Variants in XPO6 observed in about 807,000 individuals in gnomAD.
XPO6 encodes the protein exportin 6.
Under a neutral mutation model 130.0 loss-of-function variants are expected in XPO6, and 3 were observed. The ratio of observed to expected loss-of-function variants is 0.02; its 90% CI spans 0.01 to 0.06. The LOEUF (loss-of-function observed/expected upper bound fraction) is 0.06. Among genes scored for constraint, XPO6 ranks in the 10% least tolerant of loss-of-function variants. The pLI is 1.00. For missense variants in XPO6, 970 were observed against 1,393.0 expected (o/e 0.70, Z 4.83); for synonymous variants, 524 against 548.9 (o/e 0.95, Z 0.63).
At chr16:28,104,798 T>C in intron 20 of XPO6, 91 bp from the exon 21 acceptor site, 1 of 1,449,460 alleles carries the variant, frequency 6.9e-7, no homozygotes, top group Non-Finnish European at 9.4e-7. Flanking sequence ...AGACGCCTCG[T>C]GACAGCAAGC....
At chr16:28,099,432 A>G (rs1248137301) in intron 23 of XPO6, among the ~76,000 whole-genome samples, 1 of 152,160 alleles carries the variant, frequency 6.6e-6, no homozygotes, top group Non-Finnish European at 1.5e-5. Flanking sequence ...GCCTCTTCCC[A>G]AAGTCTGCAC....
chr16:28,104,466 T>C (rs533630145), intron 21 of XPO6, 80 bp downstream of exon 21: 672 of 1,545,276 alleles, frequency 4.3e-4, no homozygotes, highest in Non-Finnish European at 5.7e-4. Flanking sequence ...GACCCGAGAC[T>C]GTGGGGCTTC....
At chr16:28,201,253 C>T (rs189072485) in intron 1 of XPO6, among the ~76,000 whole-genome samples, 20 of 152,328 alleles carry the variant, frequency 1.3e-4, no homozygotes, top group African/African-American at 4.6e-4. Flanking sequence ...TTACTGCATT[C>T]ATACTCTATT....
chr16:28,116,393 C>G (rs371961327), intron 15 of XPO6, among the ~76,000 whole-genome samples: 1 of 151,294 alleles, frequency 6.6e-6, no homozygotes, highest in Non-Finnish European at 1.5e-5. Flanking sequence ...ACCCGGGAGA[C>G]GGAGCTTGCA....
intron 1 of XPO6, among the ~76,000 whole-genome samples, chr16:28,196,562 A>T (rs1262786953): frequency 6.6e-6 from 1 of 152,152 alleles, no homozygotes; most frequent in Non-Finnish European, 1.5e-5. Context: ...GTTTTATGTT[A>T]TGTGTTGCCA....
At chr16:28,204,132 C>T (rs1477059306) in intron 1 of XPO6, among the ~76,000 whole-genome samples, 1 of 152,150 alleles carries the variant, frequency 6.6e-6, no homozygotes, top group African/African-American at 2.4e-5. Flanking sequence ...TAATTGCCCA[C>T]TATGCCAAGA....
At chr16:28,138,883 A>G (rs539986949) in intron 9 of XPO6, among the ~76,000 whole-genome samples, 1 of 152,340 alleles carries the variant, frequency 6.6e-6, no homozygotes, top group South Asian at 2.1e-4. Context: ...AAGAGGATTC[A>G]AAAAATTACT....
In XPO6 at chr16:28,130,523, T is replaced by C. The variant is rs1325177313; in HGVS notation, c.1606+1811A>G. 2.6e-5 allele frequency among the ~76,000 whole-genome samples: 4 copies of C among 152,326 alleles called. No individual in the cohort carries two copies. The East Asian group carries it at 7.7e-4, about 29-fold the overall frequency. On this transcript the variant is annotated intron_variant, in intron 12 of 23. Coordinates refer to ENST00000304658, the MANE Select transcript of XPO6 (RefSeq NM_015171.4). ...GTTAATAGCCTTTGCACTGGAAACTTGGCTTCTGAGCCACCAAAAATTGGG... is the reference window on the plus strand; with the variant it reads ...GTTAATAGCCTTTGCACTGGAAACTCGGCTTCTGAGCCACCAAAAATTGGG...
intron 12 of XPO6, among the ~76,000 whole-genome samples, chr16:28,126,165 T>C (rs2087402801): frequency 6.6e-6 from 1 of 152,188 alleles, no homozygotes; most frequent in East Asian, 1.9e-4. Context: ...ACACCATCAC[T>C]GTTACATACA....
At chr16:28,152,364 T>G (rs1001008591) in intron 8 of XPO6, among the ~76,000 whole-genome samples, 1 of 152,206 alleles carries the variant, frequency 6.6e-6, no homozygotes, top group Admixed American at 6.5e-5. Flanking sequence ...GTTCACATAA[T>G]AGTGGTCAAG....
At chr16:28,155,585 T>C (rs1472319883) in intron 7 of XPO6, 1 of 157,832 alleles carries the variant, frequency 6.3e-6, no homozygotes, top group Admixed American at 6.0e-5. Flanking sequence ...AAACTTGCCA[T>C]TGGTGTAAAA....
At chr16:28,193,255 T>C (rs1056118779) in intron 1 of XPO6, among the ~76,000 whole-genome samples, 3 of 152,110 alleles carry the variant, frequency 2.0e-5, no homozygotes, top group African/African-American at 7.2e-5. Flanking sequence ...ATATAGATAA[T>C]GTTGCCGGGG....
intron 8 of XPO6, 140 bp downstream of exon 8, chr16:28,152,519 G>A (rs573521110): frequency 9.4e-7 from 1 of 1,065,696 alleles, no homozygotes; most frequent in Non-Finnish European, 1.3e-6. Context: ...ATGTTAGGAA[G>A]ATTAAACCTG....
chr16:28,176,023 G>A lies in XPO6; in HGVS notation c.280C>T (p.Leu94Phe). ...KMEIRSCLPK[L>F]LLAHHKTLPY... Reference sequence around the variant, plus strand: ...AAGGTTTTATGGTGAGCCAAAAGGAGTTTGGGCAGACAGCTACGGATTTCC... The same window carrying A: ...AAGGTTTTATGGTGAGCCAAAAGGAATTTGGGCAGACAGCTACGGATTTCC... Residue 94 changes from leucine to phenylalanine, a missense_variant, in exon 4 of 24, where the codon CTC becomes TTC. This residue lies in a region of XPO6 where 936 missense variants were observed against 1,306.8 expected (regional missense o/e 0.72). Transcript: ENST00000304658. 6.2e-7 allele frequency: 1 copy of A among 1,614,218 alleles called. No individual in the cohort carries two copies.
In XPO6 at chr16:28,104,578, C is replaced by T; in HGVS notation, c.2914G>A (p.Glu972Lys). The T allele has an allele frequency of 6.2e-7, 1 of 1,614,248 alleles. No homozygotes were observed. Among genetic ancestry groups the T allele is most frequent in the Non-Finnish European group, 8.5e-7 (1 of 1,180,050 alleles). The change falls in exon 21 of 24, where the codon GAG becomes AAG. Residue 972 changes from glutamate (E) to lysine (K), a missense_variant. Physicochemically the swap from Glu to Lys is moderately conservative, Grantham distance 56. Around this residue, in one of 4 missense-constraint regions of XPO6, gnomAD observed 936 missense variants for 1,306.8 expected, o/e 0.72. Transcript: ENST00000304658. ...VQRGIAEEQMENEPQFSAIMQ... is the reference protein window; with the variant it reads ...VQRGIAEEQMKNEPQFSAIMQ... ...ATGGCACTGAACTGGGGCTCATTCT[C>T]CATCTGCTCCTCAGCGATCCCCCTC...
chr16:28,142,240 T>C (rs999974961), intron 9 of XPO6, among the ~76,000 whole-genome samples: 10 of 152,358 alleles, frequency 6.6e-5, no homozygotes, highest in African/African-American at 2.2e-4. Context: ...TTGACAAACA[T>C]TTGATCACAT....
chr16:28,121,707 C>T lies in XPO6; in HGVS notation c.1822G>A (p.Ala608Thr), dbSNP rs370793278. The T allele has an allele frequency of 3.1e-6, 5 of 1,614,086 alleles. No homozygotes were observed. The highest frequency in any genetic ancestry group is 3.4e-6 in the Non-Finnish European group (4 of 1,179,952). Residue 608 changes from alanine (A) to threonine (T), a missense_variant, in exon 14 of 24, where the codon GCT (alanine) becomes ACT (threonine). Physicochemically the swap from Ala to Thr is moderately conservative, Grantham distance 58. Around this residue, in one of 4 missense-constraint regions of XPO6, gnomAD observed 936 missense variants for 1,306.8 expected, o/e 0.72. Transcript: ENST00000304658. ...SQIKLYNIET[A>T]VPSVLKPDLI... The stretch of plus-strand genomic sequence containing the variant: ...TCAGGTTTCAATACTGATGGCACAG[C>T]AGTTTCAATGTTGTACAATTTTATC...
intron 4 of XPO6, 96 bp from the exon 5 acceptor site, chr16:28,170,005 T>C (rs2043423542): frequency 2.1e-6 from 3 of 1,462,688 alleles, no homozygotes; most frequent in Non-Finnish European, 2.8e-6. Context: ...TGTGTGTGTT[T>C]AATCTTACAT....
chr16:28,208,989 T>C (rs192201514), intron 1 of XPO6: 2 of 152,330 alleles, frequency 1.3e-5, no homozygotes, highest in Admixed American at 1.3e-4. Context: ...ATACTCACAA[T>C]GGAATTCAGC....
Sources: gnomAD v4.1 joint callset for allele counts (sites outside exome capture counted in the v4.1 genomes callset) on GRCh38, gnomAD v4.1.1 for gene constraint, gnomAD v4.1.1 regional missense constraint, MANE v1.5 for transcripts, NCBI Gene and HGNC (gene_info 2026-07-23, HGNC 2026-07-21) for gene names.